Variants in ALPK3 observed in about 807,000 individuals in gnomAD.
ALPK3 encodes the protein alpha kinase 3, also known as alpha-protein kinase 3.
A neutral mutation model predicts 140.0 loss-of-function variants in ALPK3; 102 were observed. The ratio of observed to expected loss-of-function variants is 0.73; its 90% CI spans 0.62 to 0.86. The LOEUF (loss-of-function observed/expected upper bound fraction) is 0.86. Ranked by LOEUF, ALPK3 falls within the 40% of genes least tolerant of loss-of-function variation. The pLI is 0.00. For synonymous variants in ALPK3, 938 were observed against 898.5 expected, an observed-to-expected ratio of 1.04 and a Z score of -0.79; for missense variants, 2,254 against 2,208.2, an observed-to-expected ratio of 1.02 and a Z score of -0.42.
At chr15:84,818,294 A>T (rs1379371862) in intron 1 of ALPK3, among the ~76,000 whole-genome samples, 1 of 152,180 alleles carries the variant, frequency 6.6e-6, no homozygotes, top group Non-Finnish European at 1.5e-5. Flanking sequence ...GTCTTCCAAG[A>T]GTTCAAGAGG....
chr15:84,865,163 C>T (rs920827679), intron 12 of ALPK3, among the ~76,000 whole-genome samples: 1 of 152,098 alleles, frequency 6.6e-6, no homozygotes, highest in African/African-American at 2.4e-5. Context: ...TTTATTCCTA[C>T]GCCCCCCATT....
At chr15:84,829,924 G>A (rs1423966334) in intron 3 of ALPK3, among the ~76,000 whole-genome samples, 5 of 152,160 alleles carry the variant, frequency 3.3e-5, no homozygotes, top group Non-Finnish European at 7.3e-5. Context: ...TTACTTCCTT[G>A]ACTCTTATTA....
chr15:84,821,669 C>G (rs575263932), intron 1 of ALPK3, among the ~76,000 whole-genome samples: 1 of 152,108 alleles, frequency 6.6e-6, no homozygotes, highest in East Asian at 1.9e-4. Flanking sequence ...ATGCCTTTCT[C>G]TCCCCTGACC....
rs2141567453 is a variant in ALPK3, at chr15:84,856,804, A to G, written c.2066A>G (p.Asp689Gly). The change falls in exon 6 of 14, where the codon GAT becomes GGT. Residue 689 changes from aspartate (D) to glycine (G), a missense_variant. Physicochemically the swap from Asp to Gly is moderately conservative, Grantham distance 94. Transcript: ENST00000258888. ...KIQEDRKAQA[D>G]KGTQEDRRMQ... ...CAGGAAGACAGGAAGGCCCAGGCAGATAAGGGCACACAGGAAGACAGAAGG... is the reference window on the plus strand; with the variant it reads ...CAGGAAGACAGGAAGGCCCAGGCAGGTAAGGGCACACAGGAAGACAGAAGG... The G allele has an allele frequency of 6.2e-7, 1 of 1,614,132 alleles. No homozygotes were observed. Among genetic ancestry groups the G allele is most frequent in the East Asian group, 2.2e-5 (1 of 44,868 alleles).
intron 6 of ALPK3, 110 bp from the exon 7 acceptor site, chr15:84,859,133 A>T: frequency 6.9e-7 from 1 of 1,450,634 alleles, no homozygotes; most frequent in East Asian, 2.4e-5. Context: ...GTCTGTGTGG[A>T]GACTTGAATC....
At position 84,868,342 on chromosome 15, in the gene ALPK3, G is replaced by A; in HGVS notation, c.5004G>A (p.Arg1668=). The A allele has an allele frequency of 6.2e-7, 1 of 1,614,070 alleles. No homozygotes were observed. The highest frequency in any genetic ancestry group is 8.5e-7 in the Non-Finnish European group (1 of 1,180,022). ...KKGLPSPQGT[R]KSAPSSKATP... is the part of the protein sequence containing the mutation. ...GCCTCCCTAGTCCTCAGGGCACCCGGAAGAGTGCTCCAAGTTCCAAGGCCA... is the reference window on the plus strand; with the variant it reads ...GCCTCCCTAGTCCTCAGGGCACCCGAAAGAGTGCTCCAAGTTCCAAGGCCA... The change falls in exon 14 of 14, where the codon CGG becomes CGA. Residue 1668 remains arginine (R), a synonymous_variant. Coordinates refer to ENST00000258888, the MANE Select transcript of ALPK3 (RefSeq NM_020778.5).
chr15:84,821,258 T>G (rs1310279900), intron 1 of ALPK3, among the ~76,000 whole-genome samples: 2 of 152,136 alleles, frequency 1.3e-5, no homozygotes, highest in Admixed American at 6.5e-5. Context: ...ACTAACAATG[T>G]AAGGGCGAGG....
At chr15:84,848,280 T>A (rs1963759555) in intron 5 of ALPK3, among the ~76,000 whole-genome samples, 1 of 151,984 alleles carries the variant, frequency 6.6e-6, no homozygotes, top group Admixed American at 6.6e-5. Flanking sequence ...GGAGTTTTTT[T>A]AATGTATGCA....
intron 5 of ALPK3, among the ~76,000 whole-genome samples, chr15:84,850,290 A>G (rs1769587431): frequency 6.6e-6 from 1 of 152,204 alleles, no homozygotes; most frequent in Admixed American, 6.5e-5. Context: ...TATAAACCAT[A>G]CTATTTTTCA....
intron 3 of ALPK3, among the ~76,000 whole-genome samples, chr15:84,827,961 T>C (rs574213602): frequency 2.0e-5 from 3 of 152,226 alleles, no homozygotes; most frequent in African/African-American, 7.2e-5. Flanking sequence ...CATGTTATAG[T>C]TGAGTAATTT....
intron 3 of ALPK3, among the ~76,000 whole-genome samples, chr15:84,837,242 C>A (rs1045942258): frequency 6.6e-6 from 1 of 152,146 alleles, no homozygotes; most frequent in Admixed American, 6.5e-5. Flanking sequence ...TAAAGAAGGA[C>A]ACAGTAGAGC....
Position 84,817,545 on chromosome 15 carries a change from C to T in ALPK3, c.93C>T (p.Ile31=), listed in dbSNP as rs1217091968. The T allele has an allele frequency of 3.4e-5, 51 of 1,502,122 alleles. No homozygotes were observed. The Admixed American group carries it at 4.8e-4, about 14-fold the overall frequency. The allele number at this position is 1,502,122 out of a possible 1,614,324, so 93.0% of individuals were successfully genotyped here. ...GDGEDDGPVW[I]PSPASRSYLL... ...GTGAGGACGACGGCCCCGTGTGGAT[C>T]CCCAGCCCAGCCAGCCGGAGCTACC... The change falls in exon 1 of 14, where the codon ATC becomes ATT. Residue 31 remains isoleucine, a synonymous_variant. Coordinates refer to ENST00000258888, the MANE Select transcript of ALPK3 (RefSeq NM_020778.5).
Position 84,858,680 on chromosome 15 carries a change from C to T in ALPK3, c.3817+125C>T. 6 of 1,381,046 alleles carry T rather than the reference C, an allele frequency of 4.3e-6. No homozygotes were observed. In the South Asian group the frequency reaches 7.7e-5, roughly 18 times the overall value. 85.5% of individuals were successfully genotyped at this position (1,381,046 alleles called of 1,614,324 possible). ...TCCCTCCTCGGGATTCATAAATTACCTTGGTAAAGGTACCCTTCTCTCACA... is the reference window on the plus strand; with the variant it reads ...TCCCTCCTCGGGATTCATAAATTACTTTGGTAAAGGTACCCTTCTCTCACA... On this transcript the variant is annotated intron_variant, in intron 6 of 13. Transcript: ENST00000258888.
rs1963885002 is a variant in ALPK3, at chr15:84,857,808, G to A, written c.3070G>A (p.Val1024Met). 1 of 1,611,192 alleles carries A rather than the reference G, an allele frequency of 6.2e-7. No individual in the cohort carries two copies. Among genetic ancestry groups the A allele is most frequent in the Non-Finnish European group, 8.5e-7 (1 of 1,178,206 alleles). The change falls in exon 6 of 14, where the codon GTG becomes ATG. Residue 1024 changes from valine (V) to methionine (M), a missense_variant. Val to Met is a conservative substitution (Grantham distance 21). Coordinates refer to ENST00000258888, the MANE Select transcript of ALPK3 (RefSeq NM_020778.5). The stretch of plus-strand genomic sequence containing the variant: ...GGAGCGTGTGGAGAACAACCACCTG[G>A]TGCAGAGTGCACAGACCCTGCTGCT... ...ILERVENNHL[V>M]QSAQTLLLSP... is the part of the protein sequence containing the mutation.
chr15:84,860,555 C>G (rs1477728131), intron 9 of ALPK3, among the ~76,000 whole-genome samples: 1 of 152,212 alleles, frequency 6.6e-6, no homozygotes, highest in Non-Finnish European at 1.5e-5. Context: ...AAGTTTGATA[C>G]ACATTTGAAG....
chr15:84,842,781 T>C (rs1363974045), intron 5 of ALPK3, among the ~76,000 whole-genome samples: 2 of 152,210 alleles, frequency 1.3e-5, no homozygotes, highest in Non-Finnish European at 2.9e-5. Flanking sequence ...TTCTGGAACC[T>C]GTTCCTGACT....
chr15:84,838,648 G>A (rs1188147964), intron 3 of ALPK3, among the ~76,000 whole-genome samples: 1 of 128,848 alleles, frequency 7.8e-6, no homozygotes, highest in Non-Finnish European at 1.7e-5. Flanking sequence ...TTGAGATGGA[G>A]TCTCACTATC....
At chr15:84,837,990 A>C (rs894976684) in intron 3 of ALPK3, among the ~76,000 whole-genome samples, 4 of 152,182 alleles carry the variant, frequency 2.6e-5, no homozygotes, top group Non-Finnish European at 5.9e-5. Context: ...GGACCAATCC[A>C]CTATGGCCAG....
rs1963520202 is a variant in ALPK3, at chr15:84,829,256, C to G, written c.304+1651C>G. Among the ~76,000 whole-genome samples, 11 of 152,302 alleles carry G rather than the reference C, an allele frequency of 7.2e-5. No homozygotes were observed. In the South Asian group the frequency reaches 2.3e-3, roughly 32 times the overall value. On this transcript the variant is annotated intron_variant, in intron 3 of 13. Transcript: ENST00000258888. ...CCTGTTATGGTAGATAAGGAATTAG[C>G]TCTTTTATACCATCATTTTCTCTGT...
Sources: gnomAD v4.1 joint callset for allele counts (sites outside exome capture counted in the v4.1 genomes callset) on GRCh38, gnomAD v4.1.1 for gene constraint, MANE v1.5 for transcripts, NCBI Gene and HGNC (gene_info 2026-07-23, HGNC 2026-07-21) for gene names.